XPR1: variants seen among roughly 807,000 people sequenced by gnomAD.
The protein encoded by XPR1 is solute carrier family 53 member 1.
XPR1 carries 28 observed loss-of-function variants against 87.5 expected under a neutral mutation model. The observed-to-expected ratio is 0.32, with a 90% CI of 0.24 to 0.44. XPR1 has a LOEUF of 0.44. XPR1 is among the 20% of genes least tolerant of loss of function. The probability of loss-of-function intolerance (pLI) is 1.00; values close to 1 mark genes in which losing one functional copy is unlikely to be tolerated. For missense variants in XPR1, 559 were observed against 862.3 expected (o/e 0.65, Z 4.41); for synonymous variants, 300 against 306.1 (o/e 0.98, Z 0.21).
intron 1 of XPR1, among the ~76,000 whole-genome samples, chr1:180,645,714 G>A (rs962982295): frequency 6.6e-6 from 1 of 152,146 alleles, no homozygotes; most frequent in Admixed American, 6.5e-5. Context: ...GTGAGTTAAG[G>A]GCATGTACTT....
At chr1:180,723,432 A>G (rs1470241241) in intron 2 of XPR1, among the ~76,000 whole-genome samples, 2 of 152,156 alleles carry the variant, frequency 1.3e-5, no homozygotes, top group African/African-American at 4.8e-5. Flanking sequence ...CAAAGCATCA[A>G]ATGAAATTCT....
rs184459610 is a variant in XPR1 at position 180,757,191 on chromosome 1, A to T, written c.122-30562A>T. ...TCAGCTAAAATTTAATCTATCTTTC[A>T]AAGTAGGGGTGACATTTCAACAATA... On this transcript the variant is annotated intron_variant, in intron 2 of 14. Coordinates refer to ENST00000367590, the MANE Select transcript of XPR1 (RefSeq NM_004736.4). Among the ~76,000 whole-genome samples the T allele has an allele frequency of 3.2e-3, 488 of 152,210 alleles. 4 individuals carry two copies. Among genetic ancestry groups the T allele is most frequent in the African/African-American group, 0.011 (452 of 41,530 alleles).
At chr1:180,814,953 G>T (rs1423236531) in intron 7 of XPR1, among the ~76,000 whole-genome samples, 1 of 152,086 alleles carries the variant, frequency 6.6e-6, no homozygotes, top group Non-Finnish European at 1.5e-5. Context: ...TGATAAATTG[G>T]CCAAAGGTGA....
intron 1 of XPR1, among the ~76,000 whole-genome samples, chr1:180,648,695 A>G (rs1655197814): frequency 6.6e-6 from 1 of 152,128 alleles, no homozygotes; most frequent in Admixed American, 6.5e-5. Flanking sequence ...TTCGGTAGAG[A>G]TGGGGTTTCA....
intron 2 of XPR1, among the ~76,000 whole-genome samples, chr1:180,776,107 G>C (rs1357604219): frequency 6.6e-6 from 1 of 152,080 alleles, no homozygotes; most frequent in African/African-American, 2.4e-5. Flanking sequence ...GAGTAACAGG[G>C]TAACAAATCC....
intron 2 of XPR1, among the ~76,000 whole-genome samples, chr1:180,774,731 G>C (rs1299142339): frequency 6.6e-6 from 1 of 151,940 alleles, no homozygotes. Flanking sequence ...TTTTATATCT[G>C]ACCAATATTG....
intron 9 of XPR1, among the ~76,000 whole-genome samples, chr1:180,832,566 G>A (rs1022813111): frequency 1.3e-4 from 20 of 152,210 alleles, no homozygotes; most frequent in Non-Finnish European, 1.0e-4. Flanking sequence ...TAATTTTTGT[G>A]TAAGGTGTAA....
At chr1:180,655,054 G>A (rs956365866) in intron 1 of XPR1, among the ~76,000 whole-genome samples, 3 of 152,120 alleles carry the variant, frequency 2.0e-5, no homozygotes, top group Middle Eastern at 6.8e-3. Flanking sequence ...CACCAACAGT[G>A]CACAATTTCT....
At chr1:180,749,678 C>CACACACACAT (rs57822922) in intron 2 of XPR1, among the ~76,000 whole-genome samples, 1 of 148,118 alleles carries the variant, frequency 6.8e-6, no homozygotes, top group African/African-American at 2.5e-5. Flanking sequence ...CACACACACA[C>CACACACACAT]GGAGCTGGTG....
intron 2 of XPR1, among the ~76,000 whole-genome samples, chr1:180,770,822 T>C (rs891101425): frequency 2.6e-5 from 4 of 152,190 alleles, no homozygotes; most frequent in African/African-American, 9.6e-5. Flanking sequence ...CTCTTTCATT[T>C]GGTATTGTTA....
intron 2 of XPR1, among the ~76,000 whole-genome samples, chr1:180,777,105 C>G (rs1261099360): frequency 6.6e-6 from 1 of 152,186 alleles, no homozygotes; most frequent in Non-Finnish European, 1.5e-5. Context: ...TAGAGTGTTA[C>G]TTGCTCAAGC....
intron 10 of XPR1, among the ~76,000 whole-genome samples, chr1:180,835,893 G>A (rs758367191): frequency 9.9e-5 from 15 of 152,048 alleles, no homozygotes; most frequent in Non-Finnish European, 1.0e-4. Flanking sequence ...GAGCCAACCC[G>A]TTTTTTCCTC....
chr1:180,638,137 T>C (rs548343628), intron 1 of XPR1, among the ~76,000 whole-genome samples: 1 of 152,270 alleles, frequency 6.6e-6, no homozygotes, highest in South Asian at 2.1e-4. Context: ...CTCAAAGCAT[T>C]GTTATTGATA....
chr1:180,648,616 C>T (rs1289064227), intron 1 of XPR1, among the ~76,000 whole-genome samples: 2 of 152,152 alleles, frequency 1.3e-5, no homozygotes, highest in Non-Finnish European at 2.9e-5. Flanking sequence ...AAGCGATTCC[C>T]CTGCCTCAGC....
intron 2 of XPR1, among the ~76,000 whole-genome samples, chr1:180,762,119 T>G (rs1389878886): frequency 8.3e-5 from 8 of 96,084 alleles, no homozygotes; most frequent in Non-Finnish European, 1.2e-4. Flanking sequence ...TGGGGACTGT[T>G]GTGGGGTCGG....
intron 2 of XPR1, among the ~76,000 whole-genome samples, chr1:180,696,053 G>A (rs1657152075): frequency 6.6e-6 from 1 of 151,446 alleles, no homozygotes; most frequent in Non-Finnish European, 1.5e-5. Context: ...TAATTCTTCT[G>A]ACCCATGAGC....
At chr1:180,826,632 C>T (rs76122035) in intron 9 of XPR1, among the ~76,000 whole-genome samples, 3 of 152,298 alleles carry the variant, frequency 2.0e-5, no homozygotes, top group Admixed American at 6.5e-5. Context: ...TTATGAATTA[C>T]AGCTAACAAT....
intron 7 of XPR1, among the ~76,000 whole-genome samples, chr1:180,812,780 C>G (rs1242278952): frequency 6.6e-6 from 1 of 151,832 alleles, no homozygotes; most frequent in Non-Finnish European, 1.5e-5. Flanking sequence ...TCCTGAATAG[C>G]TGGGATTACA....
chr1:180,727,062 A>G (rs1658380058), intron 2 of XPR1, among the ~76,000 whole-genome samples: 1 of 151,838 alleles, frequency 6.6e-6, no homozygotes, highest in Non-Finnish European at 1.5e-5. Flanking sequence ...TTTTTAGTAG[A>G]GACGGGGTTT....
Sources: gnomAD v4.1 joint callset for allele counts (sites outside exome capture counted in the v4.1 genomes callset) on GRCh38, gnomAD v4.1.1 for gene constraint, MANE v1.5 for transcripts, NCBI Gene and HGNC (gene_info 2026-07-23, HGNC 2026-07-21) for gene names.